Variants in USP34 observed in about 807,000 individuals in gnomAD.
The protein encoded by USP34 is ubiquitin carboxyl-terminal hydrolase 34.
In USP34, 70 loss-of-function variants were observed where a neutral mutation model predicts 460.3. The observed-to-expected ratio is 0.15, with a 90% CI of 0.13 to 0.19. USP34 has a LOEUF of 0.19. USP34 is among the 10% of genes least tolerant of loss of function. The pLI is 1.00. For synonymous variants in USP34, 1,647 were observed against 1,405.3 expected (o/e 1.17, Z -3.85); for missense variants, 3,985 against 4,236.2 (o/e 0.94, Z 1.65).
intron 62 of USP34, 61 bp from the exon 63 acceptor site, chr2:61,223,357 TACA>T (rs1687642990): frequency 3.4e-6 from 5 of 1,478,460 alleles, no homozygotes; most frequent in East Asian, 2.3e-5. Flanking sequence ...TACAGCGATT[TACA>T]ACATGTATCA....
intron 10 of USP34, among the ~76,000 whole-genome samples, chr2:61,355,592 C>T (rs918926758): frequency 1.3e-5 from 2 of 151,522 alleles, no homozygotes; most frequent in Non-Finnish European, 2.9e-5. Context: ...AAAAGGAAAT[C>T]GAACTGTTTC....
chr2:61,279,854 T>G (rs1367388873), intron 39 of USP34, among the ~76,000 whole-genome samples: 1 of 152,242 alleles, frequency 6.6e-6, no homozygotes, highest in Non-Finnish European at 1.5e-5. Context: ...AAACTGACAG[T>G]GTTTCTTTAA....
intron 3 of USP34, among the ~76,000 whole-genome samples, chr2:61,405,254 A>AAAAAG (rs1558575556): frequency 7.2e-5 from 7 of 97,434 alleles, no homozygotes; most frequent in African/African-American, 1.3e-4. Context: ...AAAAAAAAAA[A>AAAAAG]AAAGAAAGAA....
chr2:61,288,652 T>C (rs575913000), intron 34 of USP34, 25 bp downstream of exon 34: 3 of 1,604,322 alleles, frequency 1.9e-6, no homozygotes, highest in East Asian at 4.5e-5. Context: ...GAATTCATCA[T>C]TAAACATTAA....
In USP34 at chr2:61,241,556, A is replaced by C. The variant is rs747902261; in HGVS notation, c.6777+4T>G. On this transcript the variant is annotated splice_donor_region_variant and intron_variant, in intron 53 of 79. Coordinates refer to ENST00000398571, the MANE Select transcript of USP34 (RefSeq NM_014709.4). ...AATGTTGCTCAAATGAAATTAACTT[A>C]TACCTCTAGTAACTCTGACGAAACA... is the stretch of plus-strand genomic sequence containing the variant. 7.1e-5 allele frequency: 113 copies of C among 1,588,948 alleles called. No individual in the cohort carries two copies. Among genetic ancestry groups the C allele is most frequent in the Non-Finnish European group, 9.5e-5 (111 of 1,168,878 alleles).
chr2:61,298,419 TCCCAGCTA>T (rs1328484949), intron 29 of USP34, among the ~76,000 whole-genome samples: 9 of 145,364 alleles, frequency 6.2e-5, no homozygotes, highest in African/African-American at 2.0e-4. Context: ...GCGCCTGTAG[TCCCAGCTA>T]CTCAGGAGGC....
chr2:61,296,085 C>T (rs190344765), intron 30 of USP34, among the ~76,000 whole-genome samples: 1 of 151,934 alleles, frequency 6.6e-6, no homozygotes, highest in Admixed American at 6.6e-5. Flanking sequence ...ACGGTGAAAC[C>T]CTGTCTCTAC....
intron 10 of USP34, among the ~76,000 whole-genome samples, chr2:61,355,193 AG>A (rs1246323138): frequency 6.6e-6 from 1 of 152,210 alleles, no homozygotes; most frequent in Non-Finnish European, 1.5e-5. Context: ...GTCTTTGAGT[AG>A]GGTACAAGAT....
intron 32 of USP34, among the ~76,000 whole-genome samples, chr2:61,294,025 A>C (rs1020559307): frequency 6.6e-6 from 1 of 151,768 alleles, no homozygotes; most frequent in African/African-American, 2.4e-5. Flanking sequence ...AAACAAAACA[A>C]AATAAAACAA....
intron 74 of USP34, 53 bp from the exon 75 acceptor site, chr2:61,203,316 A>G: frequency 2.2e-6 from 3 of 1,393,572 alleles, no homozygotes; most frequent in Non-Finnish European, 2.8e-6. Flanking sequence ...AATAAAGAGC[A>G]TATTTTGTGC....
At chr2:61,260,372 T>C (rs1688843188) in intron 43 of USP34, among the ~76,000 whole-genome samples, 3 of 152,194 alleles carry the variant, frequency 2.0e-5, no homozygotes, top group Non-Finnish European at 4.4e-5. Flanking sequence ...AGGTACTTAT[T>C]ACACATATTC....
intron 3 of USP34, among the ~76,000 whole-genome samples, chr2:61,397,555 C>G (rs945955770): frequency 5.3e-5 from 8 of 152,072 alleles, no homozygotes; most frequent in African/African-American, 1.9e-4. Flanking sequence ...CACTTGAGGT[C>G]AGGAGTTCAA....
At chr2:61,377,884 AAG>A (rs549016822) in intron 8 of USP34, among the ~76,000 whole-genome samples, 91 of 152,378 alleles carry the variant, frequency 6.0e-4, no homozygotes, top group African/African-American at 2.0e-3. Flanking sequence ...ACGCTTTTAA[AAG>A]AGAGAAATGT....
intron 75 of USP34, among the ~76,000 whole-genome samples, chr2:61,197,138 G>A (rs956820276): frequency 1.3e-5 from 2 of 151,730 alleles, no homozygotes; most frequent in Non-Finnish European, 2.9e-5. Flanking sequence ...ACAAGAATTA[G>A]TTGGGCATGT....
chr2:61,230,382 C>T (rs1558478788), intron 58 of USP34, among the ~76,000 whole-genome samples: 1 of 151,980 alleles, frequency 6.6e-6, no homozygotes, highest in African/African-American at 2.4e-5. Context: ...AAAAATTAGC[C>T]GGGCGTGGTG....
Position 61,203,109 on chromosome 2 carries a change from G to T in USP34, c.9508+31C>A, listed in dbSNP as rs761048500. 5 of 1,512,558 alleles carry T rather than the reference G, an allele frequency of 3.3e-6. No individual in the cohort carries two copies. The East Asian group carries it at 9.7e-5, about 29-fold the overall frequency. The allele number at this position is 1,512,558 out of a possible 1,614,324, so 93.7% of individuals were successfully genotyped here. A position where few individuals can be genotyped will look rare whatever the true frequency, so the allele number is the denominator to read the frequency against. On this transcript the variant is annotated intron_variant, in intron 75 of 79. Transcript: ENST00000398571. ...ATGACTAGGGGCTTAAAATAATTCAGTGGAATTTACTGCTCATCTTTTATA... is the reference window on the plus strand; with the variant it reads ...ATGACTAGGGGCTTAAAATAATTCATTGGAATTTACTGCTCATCTTTTATA...
Position 61,365,694 on chromosome 2 carries a change from C to T in USP34, c.1251+4627G>A, listed in dbSNP as rs1220593768. ...TCACATACCTAAATATAGCATAATA[C>T]TAAACAACTGTGGGAATTACGGTTA... On this transcript the variant is annotated intron_variant, in intron 10 of 79. Coordinates refer to ENST00000398571, the MANE Select transcript of USP34 (RefSeq NM_014709.4). Among the ~76,000 whole-genome samples, 6 of 151,892 alleles carry T rather than the reference C, an allele frequency of 4.0e-5. No individual in the cohort carries two copies. In the East Asian group the frequency reaches 7.7e-4, roughly 20 times the overall value.
At chr2:61,385,351 G>T (rs1008759439) in intron 5 of USP34, among the ~76,000 whole-genome samples, 2 of 152,014 alleles carry the variant, frequency 1.3e-5, no homozygotes, top group African/African-American at 2.4e-5. Flanking sequence ...CTCATTCAAA[G>T]CACAAAGGTC....
chr2:61,210,728 CTTT>C (rs1468383822), intron 69 of USP34, among the ~76,000 whole-genome samples: 2 of 151,428 alleles, frequency 1.3e-5, no homozygotes, highest in East Asian at 1.9e-4. Context: ...TCTTTTTTTT[CTTT>C]TTTTGAGACT....
Sources: allele counts gnomAD v4.1 joint callset (sites outside exome capture counted in the v4.1 genomes callset), GRCh38; gene constraint gnomAD v4.1.1; transcripts MANE v1.5; gene names NCBI Gene and HGNC (gene_info 2026-07-23, HGNC 2026-07-21).